ADAMTSL1: variants seen among roughly 807,000 people sequenced by gnomAD.
ADAMTSL1 encodes ADAMTS like 1.
A neutral mutation model predicts 201.8 loss-of-function variants in ADAMTSL1; 126 were observed. The observed-to-expected ratio is 0.62, with a 90% CI of 0.54 to 0.72. ADAMTSL1 has a LOEUF of 0.72. Ranked by LOEUF, ADAMTSL1 falls within the 30% of genes least tolerant of loss-of-function variation. The pLI is 0.00. For missense variants in ADAMTSL1, 2,679 were observed against 2,277.8 expected, an observed-to-expected ratio of 1.18 and a Z score of -3.59; for synonymous variants, 1,121 against 903.4, an observed-to-expected ratio of 1.24 and a Z score of -4.32.
At position 18,892,528 on chromosome 9, in the gene ADAMTSL1, C is replaced by A. The variant is rs781703171; in HGVS notation, c.4783C>A (p.Arg1595=). 1 of 1,590,910 alleles carries A rather than the reference C, an allele frequency of 6.3e-7. No individual in the cohort carries two copies. The highest frequency in any genetic ancestry group is 8.6e-7 in the Non-Finnish European group (1 of 1,168,572). ...SNDMCTQVAK[R]PVDTQACNQQ... ...TGACATGTGCACCCAGGTCGCCAAGCGGCCTGTGGACACCCAGGCCTGTAA... is the reference window on the plus strand; with the variant it reads ...TGACATGTGCACCCAGGTCGCCAAGAGGCCTGTGGACACCCAGGCCTGTAA... Residue 1595 remains arginine, a synonymous_variant, in exon 26 of 29, where the codon CGG becomes AGG. Coordinates refer to ENST00000380548, the MANE Select transcript of ADAMTSL1 (RefSeq NM_001040272.6).
chr9:18,215,052 A>G (rs1214165050), intron 2 of ADAMTSL1, among the ~76,000 whole-genome samples: 2 of 152,212 alleles, frequency 1.3e-5, no homozygotes, highest in African/African-American at 4.8e-5. Flanking sequence ...ATGGATTTAC[A>G]TATTACTTTG....
intron 15 of ADAMTSL1, among the ~76,000 whole-genome samples, chr9:18,735,741 C>CT (rs5896800): frequency 0.072 from 5,455 of 76,124 alleles, 175 homozygotes; most frequent in African/African-American, 0.14. Flanking sequence ...AGACGGCATT[C>CT]TTTTTTCTTT....
At chr9:18,472,571 T>C (rs1821257828), upstream of ADAMTSL1, among the ~76,000 whole-genome samples, 1 of 152,224 alleles carries the variant, frequency 6.6e-6, no homozygotes, top group Non-Finnish European at 1.5e-5. Flanking sequence ...ATGAAGTAGG[T>C]AACCTAAAGT....
chr9:18,572,222 T>G (rs1302585844), intron 3 of ADAMTSL1, among the ~76,000 whole-genome samples: 2 of 152,172 alleles, frequency 1.3e-5, no homozygotes, highest in African/African-American at 2.4e-5. Context: ...AGTTAATTTG[T>G]ATTGTATGTC....
intron 2 of ADAMTSL1, among the ~76,000 whole-genome samples, chr9:18,352,520 C>T (rs931957228): frequency 1.2e-4 from 18 of 152,218 alleles, no homozygotes; most frequent in Non-Finnish European, 4.4e-5. Flanking sequence ...TCTCTCTGGA[C>T]AGCCAGCTTC....
chr9:18,285,898 G>A (rs757949229), intron 2 of ADAMTSL1, among the ~76,000 whole-genome samples: 3 of 152,048 alleles, frequency 2.0e-5, no homozygotes, highest in Non-Finnish European at 4.4e-5. Context: ...AATTGACTGG[G>A]TTTTTTAGCA....
At chr9:18,694,498 C>T (rs770406138) in intron 13 of ADAMTSL1, among the ~76,000 whole-genome samples, 86 of 152,218 alleles carry the variant, frequency 5.6e-4, no homozygotes, top group Admixed American at 3.3e-3. Flanking sequence ...GCATTCTAAA[C>T]GGGAGAAATT....
chr9:18,891,259 G>C (rs1348832885), intron 25 of ADAMTSL1, among the ~76,000 whole-genome samples: 4 of 151,998 alleles, frequency 2.6e-5, no homozygotes, highest in African/African-American at 4.8e-5. Flanking sequence ...CTTTGCATGT[G>C]AACAAGTGTT....
intron 16 of ADAMTSL1, among the ~76,000 whole-genome samples, chr9:18,764,011 TG>T (rs139671757): frequency 3.3e-5 from 5 of 152,332 alleles, no homozygotes; most frequent in Non-Finnish European, 7.3e-5. Context: ...ATTTTAAGAT[TG>T]TTTTTCTATT....
At chr9:18,015,396 A>T (rs1820215486) in intron 1 of ADAMTSL1, among the ~76,000 whole-genome samples, 1 of 151,792 alleles carries the variant, frequency 6.6e-6, no homozygotes, top group South Asian at 2.1e-4. Flanking sequence ...TCTAGCTATT[A>T]ACAACTCCCT....
chr9:17,942,571 C>T (rs1424844245), intron 1 of ADAMTSL1, among the ~76,000 whole-genome samples: 1 of 152,112 alleles, frequency 6.6e-6, no homozygotes, highest in Non-Finnish European at 1.5e-5. Context: ...GAAGCCAGTC[C>T]TTCCCACATG....
At chr9:18,307,692 A>C (rs2132767332) in intron 2 of ADAMTSL1, among the ~76,000 whole-genome samples, 1 of 152,246 alleles carries the variant, frequency 6.6e-6, no homozygotes. Flanking sequence ...CAGATTCATA[A>C]AGCAAGTTCT....
chr9:18,442,058 C>T (rs561753648), intron 2 of ADAMTSL1, among the ~76,000 whole-genome samples: 7 of 152,290 alleles, frequency 4.6e-5, no homozygotes, highest in South Asian at 2.1e-4. Flanking sequence ...TATAGAAGAG[C>T]AGGTGGCTTT....
intron 2 of ADAMTSL1, among the ~76,000 whole-genome samples, chr9:18,528,273 T>C (rs995802957): frequency 4.6e-5 from 7 of 152,134 alleles, no homozygotes; most frequent in Admixed American, 2.6e-4. Context: ...CCATGGTAGT[T>C]TGCTGCACAG....
chr9:18,808,533 G>A (rs1823301407), intron 20 of ADAMTSL1, among the ~76,000 whole-genome samples: 1 of 152,120 alleles, frequency 6.6e-6, no homozygotes, highest in Non-Finnish European at 1.5e-5. Flanking sequence ...TTCATTCAGT[G>A]ACATTTGAAT....
intron 2 of ADAMTSL1, among the ~76,000 whole-genome samples, chr9:18,279,101 G>A (rs1174657556): frequency 1.3e-5 from 2 of 151,952 alleles, no homozygotes; most frequent in African/African-American, 2.4e-5. Flanking sequence ...GTATATCTGT[G>A]TTCTCCTGTA....
intron 2 of ADAMTSL1, among the ~76,000 whole-genome samples, chr9:18,528,133 C>A (rs546346829): frequency 6.6e-6 from 1 of 152,166 alleles, no homozygotes; most frequent in African/African-American, 2.4e-5. Flanking sequence ...CTGTCTTGGC[C>A]GCCCAAAGTG....
chr9:18,893,182 G>A (rs978213877), intron 26 of ADAMTSL1, among the ~76,000 whole-genome samples: 6 of 151,862 alleles, frequency 4.0e-5, no homozygotes, highest in East Asian at 1.9e-4. Context: ...GGGGAATATC[G>A]TCTTTCTCCT....
chr9:18,116,759 A>C (rs894071896), intron 1 of ADAMTSL1, among the ~76,000 whole-genome samples: 31 of 152,344 alleles, frequency 2.0e-4, no homozygotes, highest in African/African-American at 6.5e-4. Flanking sequence ...GTACATGTGC[A>C]CAACGTGCAG....
Sources: allele counts gnomAD v4.1 joint callset (sites outside exome capture counted in the v4.1 genomes callset), GRCh38; gene constraint gnomAD v4.1.1; transcripts MANE v1.5; gene names NCBI Gene and HGNC (gene_info 2026-07-23, HGNC 2026-07-21).